Variants in GALNT14 observed in about 807,000 individuals in gnomAD.
GALNT14 encodes polypeptide N-acetylgalactosaminyltransferase 14.
GALNT14 carries 60 observed loss-of-function variants against 77.5 expected under a neutral mutation model. The observed-to-expected ratio is 0.77, with a 90% confidence interval of 0.63 to 0.96. The LOEUF (loss-of-function observed/expected upper bound fraction) is 0.96. Ranked by LOEUF, GALNT14 falls within the 40% of genes least tolerant of loss-of-function variation. The pLI, the probability that GALNT14 is intolerant of heterozygous loss-of-function variation, is 0.00. For missense variants in GALNT14, 710 were observed against 731.0 expected (o/e 0.97, Z 0.33); for synonymous variants, 280 against 281.7 (o/e 0.99, Z 0.06).
At chr2:31,043,863 G>C (rs775076304) in intron 1 of GALNT14, among the ~76,000 whole-genome samples, 7 of 152,152 alleles carry the variant, frequency 4.6e-5, no homozygotes, top group South Asian at 2.1e-4. Context: ...AGGTACAGTG[G>C]AACCATAGAT....
chr2:30,901,539 CAT>C, the GALNT14 span, among the ~76,000 whole-genome samples: 12 of 151,018 alleles, frequency 7.9e-5, no homozygotes, highest in African/African-American at 7.3e-5. Context: ...TCCTTTAATA[CAT>C]ATATATGAGT....
At chr2:31,066,577 A>T (rs1452107835) in intron 1 of GALNT14, among the ~76,000 whole-genome samples, 1 of 152,172 alleles carries the variant, frequency 6.6e-6, no homozygotes, top group Non-Finnish European at 1.5e-5. Flanking sequence ...CAGGAGTTGG[A>T]CACGAAGTAC....
chr2:31,110,918 G>C (rs1474461284), intron 1 of GALNT14, among the ~76,000 whole-genome samples: 1 of 152,116 alleles, frequency 6.6e-6, no homozygotes, highest in African/African-American at 2.4e-5. Flanking sequence ...AAAATGGTGG[G>C]AACTTGAACT....
At chr2:31,073,374 C>CA (rs1185586436) in intron 1 of GALNT14, among the ~76,000 whole-genome samples, 1 of 150,610 alleles carries the variant, frequency 6.6e-6, no homozygotes, top group African/African-American at 2.5e-5. Flanking sequence ...ATAGAATAGT[C>CA]AAAAAAACAA....
intron 1 of GALNT14, among the ~76,000 whole-genome samples, chr2:31,094,872 C>G (rs1431605113): frequency 6.6e-6 from 1 of 152,112 alleles, no homozygotes; most frequent in East Asian, 1.9e-4. Context: ...AAGTCATCTC[C>G]CTTCCCTGGC....
At chr2:31,023,276 A>G (rs1024911641) in intron 1 of GALNT14, among the ~76,000 whole-genome samples, 3 of 152,136 alleles carry the variant, frequency 2.0e-5, no homozygotes, top group African/African-American at 7.2e-5. Flanking sequence ...AAATAATCCT[A>G]GTAAGTTAGG....
intron 3 of GALNT14, 148 bp from the exon 4 acceptor site, chr2:30,958,612 G>A (rs888806275): frequency 1.6e-6 from 1 of 632,736 alleles, no homozygotes; most frequent in African/African-American, 1.8e-5. Flanking sequence ...TTATCTGTGA[G>A]CCAGGAGGAA....
chr2:31,104,687 C>G (rs1465812743), intron 1 of GALNT14, among the ~76,000 whole-genome samples: 5 of 152,120 alleles, frequency 3.3e-5, no homozygotes, highest in African/African-American at 1.2e-4. Context: ...CAGTACAGAC[C>G]TTTCCTTCTG....
chr2:31,122,685 T>C (rs1279220584), intron 1 of GALNT14, among the ~76,000 whole-genome samples: 1 of 152,206 alleles, frequency 6.6e-6, no homozygotes, highest in African/African-American at 2.4e-5. Context: ...TTTCTATAAA[T>C]TTTTTCTATA....
At chr2:30,985,844 A>T (rs896049682) in intron 2 of GALNT14, among the ~76,000 whole-genome samples, 4 of 152,178 alleles carry the variant, frequency 2.6e-5, no homozygotes, top group Non-Finnish European at 4.4e-5. Flanking sequence ...CTTGGTGTGG[A>T]ATCACTAACG....
At chr2:30,986,566 A>T (rs1669311985) in intron 2 of GALNT14, among the ~76,000 whole-genome samples, 1 of 152,196 alleles carries the variant, frequency 6.6e-6, no homozygotes, top group Non-Finnish European at 1.5e-5. Flanking sequence ...ATTGAAATGT[A>T]ATTGTGGCTA....
chr2:30,941,789 T>C (rs569176138), intron 9 of GALNT14, among the ~76,000 whole-genome samples: 1 of 152,362 alleles, frequency 6.6e-6, no homozygotes, highest in South Asian at 2.1e-4. Context: ...CTGCTGTTCC[T>C]GTTCCTCATT....
intron 1 of GALNT14, among the ~76,000 whole-genome samples, chr2:31,011,035 A>G (rs1175163848): frequency 6.6e-6 from 1 of 152,206 alleles, no homozygotes. Flanking sequence ...GCCTACAGGA[A>G]TTAACTAGAC....
At chr2:31,016,314 T>C (rs962106325) in intron 1 of GALNT14, among the ~76,000 whole-genome samples, 1 of 152,100 alleles carries the variant, frequency 6.6e-6, no homozygotes, top group Admixed American at 6.5e-5. Flanking sequence ...ACCAATCAGA[T>C]TGTATTATGC....
chr2:30,895,823 G>C, the GALNT14 span, among the ~76,000 whole-genome samples: 1 of 152,102 alleles, frequency 6.6e-6, no homozygotes, highest in Admixed American at 6.5e-5. Context: ...CCTCTCCCAT[G>C]CTTGTTGTCC....
At chr2:30,926,430 G>A (rs1041120095) in intron 11 of GALNT14, among the ~76,000 whole-genome samples, 1 of 152,184 alleles carries the variant, frequency 6.6e-6, no homozygotes, top group Non-Finnish European at 1.5e-5. Context: ...TTTAGGATTT[G>A]TTGAGTTGGA....
chr2:30,889,289 C>T, the GALNT14 span, among the ~76,000 whole-genome samples: 2 of 152,130 alleles, frequency 1.3e-5, no homozygotes, highest in Non-Finnish European at 2.9e-5. Context: ...TCAGGAGCTG[C>T]GGTGTTTAAC....
At chr2:30,903,557 C>A in the GALNT14 span, among the ~76,000 whole-genome samples, 1 of 152,210 alleles carries the variant, frequency 6.6e-6, no homozygotes, top group Non-Finnish European at 1.5e-5. Context: ...TGGCCAACAG[C>A]CTGCGAGGAA....
At chr2:31,017,985 C>T (rs1671481939) in intron 1 of GALNT14, among the ~76,000 whole-genome samples, 1 of 152,216 alleles carries the variant, frequency 6.6e-6, no homozygotes, top group Non-Finnish European at 1.5e-5. Flanking sequence ...CGCCACAGGG[C>T]CTCGGCCTTG....
Sources: gnomAD v4.1 joint callset for allele counts (sites outside exome capture counted in the v4.1 genomes callset) on GRCh38, gnomAD v4.1.1 for gene constraint, MANE v1.5 for transcripts, NCBI Gene and HGNC (gene_info 2026-07-23, HGNC 2026-07-21) for gene names.